CHEK2: variants seen among roughly 807,000 people sequenced by gnomAD.
CHEK2 encodes serine/threonine-protein kinase Chk2.
Under a neutral mutation model 69.1 loss-of-function variants are expected in CHEK2, and 71 were observed. That is an observed-to-expected ratio of 1.03 (90% confidence interval 0.85 to 1.25). The LOEUF (loss-of-function observed/expected upper bound fraction) is 1.25. Ranked by LOEUF, CHEK2 falls within the 50% of genes most tolerant of loss-of-function variation. CHEK2 has a pLI of 0.00. For synonymous variants in CHEK2, 189 were observed against 226.9 expected (o/e 0.83, Z 1.50); for missense variants, 664 against 649.6 (o/e 1.02, Z -0.24).
rs201544715 is a variant in CHEK2, at chr22:28,699,838, C to T, written c.1008G>A (p.Gln336=). The part of the protein sequence containing the change: ...LYFYQMLLAV[Q]YLHENGIIHR... The stretch of plus-strand genomic sequence containing the variant: ...CAAAAGAATTGAGGGCTTCTTTTAC[C>T]TGCACAGCCAAGAGCATCTGGTAAA... Residue 336 remains glutamine (Q), a splice_region_variant and synonymous_variant, in exon 9 of 15, where the codon CAG becomes CAA. Transcript: ENST00000404276. 20 of 1,609,806 alleles carry T rather than the reference C, an allele frequency of 1.2e-5. No homozygotes were observed. In the Admixed American group the frequency reaches 3.3e-4, roughly 27 times the overall value.
At chr22:28,717,204 C>T (rs1386009415) in intron 5 of CHEK2, among the ~76,000 whole-genome samples, 1 of 151,960 alleles carries the variant, frequency 6.6e-6, no homozygotes, top group Non-Finnish European at 1.5e-5. Context: ...CAGTAAAACC[C>T]CATCTCTATT....
intron 7 of CHEK2, among the ~76,000 whole-genome samples, chr22:28,706,307 C>G (rs2053139746): frequency 6.6e-6 from 1 of 151,240 alleles, no homozygotes; most frequent in Non-Finnish European, 1.5e-5. Context: ...CTCACACACA[C>G]ACACACACAC....
At chr22:28,707,830 C>CTTTTTTTTTTTT (rs11453597) in intron 7 of CHEK2, among the ~76,000 whole-genome samples, 5 of 102,464 alleles carry the variant, frequency 4.9e-5, no homozygotes, top group African/African-American at 1.1e-4. Context: ...TTGTGTTTAT[C>CTTTTTTTTTTTT]TTTTTTTTTT....
intron 4 of CHEK2, chr22:28,724,561 T>G (rs1384515212): frequency 3.6e-6 from 1 of 280,236 alleles, no homozygotes; most frequent in African/African-American, 2.2e-5. Flanking sequence ...GAGTGCTAAC[T>G]TACTCATCTT....
chr22:28,729,120 C>G (rs951245303), intron 2 of CHEK2, among the ~76,000 whole-genome samples: 7 of 152,080 alleles, frequency 4.6e-5, no homozygotes, highest in Non-Finnish European at 8.8e-5. Flanking sequence ...CATACCAAAA[C>G]CAGACAGAGA....
rs1014208068 is a variant in CHEK2 at position 28,741,801 on chromosome 22, G to C, written c.-39C>G. 6.0e-6 allele frequency: 3 copies of C among 504,136 alleles called. No homozygotes were observed. Among genetic ancestry groups the C allele is most frequent in the Non-Finnish European group, 7.2e-6 (2 of 277,702 alleles). 31.2% of individuals were successfully genotyped at this position (504,136 alleles called of 1,614,324 possible). On this transcript the variant is annotated 5_prime_UTR_variant, in exon 1 of 15. Transcript: ENST00000404276. ...GCCCACCTGGAGCCGCACACTCTCCGCAGCCTCAGCCAGCAGAGTGGCGCT... is the reference window on the plus strand; with the variant it reads ...GCCCACCTGGAGCCGCACACTCTCCCCAGCCTCAGCCAGCAGAGTGGCGCT...
chr22:28,704,908 T>C (rs917080318), intron 7 of CHEK2, among the ~76,000 whole-genome samples: 1 of 152,120 alleles, frequency 6.6e-6, no homozygotes, highest in East Asian at 1.9e-4. Flanking sequence ...CTTCCCACAA[T>C]GAATTGTTAT....
At chr22:28,703,865 T>C (rs953654736) in intron 7 of CHEK2, among the ~76,000 whole-genome samples, 5 of 152,142 alleles carry the variant, frequency 3.3e-5, no homozygotes, top group African/African-American at 1.2e-4. Context: ...TCTTCCTCAC[T>C]ACCCCAGAGC....
chr22:28,710,063 T>C lies in CHEK2; in HGVS notation c.793-4A>G, dbSNP rs1212612057. ...TTTCAACATTGAGAGCTGGGTCCTTTGATAAACAGAATAACAGAGTTTATT... is the reference window on the plus strand; with the variant it reads ...TTTCAACATTGAGAGCTGGGTCCTTCGATAAACAGAATAACAGAGTTTATT... On this transcript the variant is annotated splice_polypyrimidine_tract_variant and splice_region_variant and intron_variant, in intron 6 of 14. Transcript: ENST00000404276. The C allele has an allele frequency of 1.3e-6, 2 of 1,550,948 alleles. No homozygotes were observed. Among genetic ancestry groups the C allele is most frequent in the Non-Finnish European group, 1.8e-6 (2 of 1,125,126 alleles).
chr22:28,734,941 T>G (rs1349774975), intron 1 of CHEK2, among the ~76,000 whole-genome samples: 1 of 152,090 alleles, frequency 6.6e-6, no homozygotes, highest in East Asian at 1.9e-4. Context: ...GATCAGTTTT[T>G]TATCTGACAG....
intron 1 of CHEK2, among the ~76,000 whole-genome samples, chr22:28,739,301 C>A (rs1043177224): frequency 6.6e-6 from 1 of 151,852 alleles, no homozygotes; most frequent in Non-Finnish European, 1.5e-5. Flanking sequence ...GCAAAAGATC[C>A]GAAAAGACAT....
intron 8 of CHEK2, 25 bp from the exon 9 acceptor site, chr22:28,699,962 G>C (rs1257426273): frequency 9.0e-6 from 14 of 1,549,888 alleles, no homozygotes; most frequent in Non-Finnish European, 1.2e-5. Flanking sequence ...CAAGGCAAGG[G>C]GTTCATTCCT....
rs1555913751 is a variant in CHEK2, at chr22:28,695,776, G to C, written c.1193C>G (p.Ser398Cys). 6.2e-7 allele frequency: 1 copy of C among 1,613,788 alleles called. No individual in the cohort carries two copies. The change falls in exon 11 of 15, where the codon TCT becomes TGT. Residue 398 changes from serine to cysteine, a missense_variant. Coordinates refer to ENST00000404276, the MANE Select transcript of CHEK2 (RefSeq NM_007194.4). ...ACGGTTATACCCAGCAGTCCCAACA[G>C]AAACAAGAACTTCAGGCGCCAAGTA... Reference protein sequence around the residue: ...PTYLAPEVLVSVGTAGYNRAV... With the variant: ...PTYLAPEVLVCVGTAGYNRAV...
intron 14 of CHEK2, among the ~76,000 whole-genome samples, chr22:28,688,403 TCA>T (rs2052208560): frequency 6.6e-6 from 1 of 152,260 alleles, no homozygotes; most frequent in Non-Finnish European, 1.5e-5. Flanking sequence ...GTGCGGTGAC[TCA>T]CAGCTGTAAT....
intron 2 of CHEK2, among the ~76,000 whole-genome samples, chr22:28,727,233 G>C (rs1311304709): frequency 6.6e-6 from 1 of 152,114 alleles, no homozygotes; most frequent in Non-Finnish European, 1.5e-5. Context: ...AGTAGAGACG[G>C]GGTTTCGCCA....
chr22:28,713,001 C>A (rs1336535156), intron 5 of CHEK2, among the ~76,000 whole-genome samples: 2 of 152,176 alleles, frequency 1.3e-5, no homozygotes, highest in Non-Finnish European at 2.9e-5. Flanking sequence ...GCACTCAGCC[C>A]CCAGCCCCTG....
chr22:28,734,854 C>T lies in CHEK2; in HGVS notation c.-6-127G>A. 3.8e-6 allele frequency: 3 copies of T among 784,818 alleles called. No individual in the cohort carries two copies. The South Asian group carries it at 5.0e-5, about 13-fold the overall frequency. 48.6% of individuals were successfully genotyped at this position (784,818 alleles called of 1,614,324 possible). A position where few individuals can be genotyped will look rare whatever the true frequency, so the allele number is the denominator to read the frequency against. On this transcript the variant is annotated intron_variant, in intron 1 of 14. Transcript: ENST00000404276. The stretch of plus-strand genomic sequence containing the variant: ...AAAAAAAAAACAGGGCAAACATGCT[C>T]TCCAAAAATTAAAAGTCCTAACAGC...
At chr22:28,697,289 AT>A (rs2052630062) in intron 9 of CHEK2, among the ~76,000 whole-genome samples, 1 of 152,218 alleles carries the variant, frequency 6.6e-6, no homozygotes, top group Non-Finnish European at 1.5e-5. Context: ...AAAAATTCAA[AT>A]GGGTAACAGA....
intron 8 of CHEK2, among the ~76,000 whole-genome samples, chr22:28,703,011 G>A (rs2052948872): frequency 6.6e-6 from 1 of 152,144 alleles, no homozygotes; most frequent in Non-Finnish European, 1.5e-5. Context: ...AAGTATTTTC[G>A]ATCTGAGGTT....
Sources: gnomAD v4.1 joint callset for allele counts (sites outside exome capture counted in the v4.1 genomes callset) on GRCh38, gnomAD v4.1.1 for gene constraint, MANE v1.5 for transcripts, NCBI Gene and HGNC (gene_info 2026-07-23, HGNC 2026-07-21) for gene names.